MAF: variants seen among roughly 807,000 people sequenced by gnomAD.
MAF encodes the protein MAF bZIP transcription factor.
A neutral mutation model predicts 22.0 loss-of-function variants in MAF; 10 were observed. The ratio of observed to expected loss-of-function variants is 0.45; its 90% confidence interval spans 0.28 to 0.77. The LOEUF (loss-of-function observed/expected upper bound fraction) is 0.77. Among genes scored for constraint, MAF ranks in the 30% least tolerant of loss-of-function variants. MAF has a pLI of 0.12. For synonymous variants in MAF, 337 were observed against 255.8 expected (o/e 1.32, Z -3.03); for missense variants, 544 against 548.4 (o/e 0.99, Z 0.08).
chr16:79,542,371 G>A, the MAF span, among the ~76,000 whole-genome samples: 2 of 152,184 alleles, frequency 1.3e-5, no homozygotes, highest in African/African-American at 2.4e-5. Context: ...ACCATGCCAC[G>A]TGGTGAGTAA....
chr16:79,486,728 G>C, the MAF span, among the ~76,000 whole-genome samples: 47 of 152,290 alleles, frequency 3.1e-4, no homozygotes, highest in African/African-American at 1.0e-3. Context: ...AAATTCATTT[G>C]ACCACTAGCT....
the MAF span, among the ~76,000 whole-genome samples, chr16:79,213,705 T>TGTAA: frequency 2.4e-4 from 36 of 151,740 alleles, no homozygotes; most frequent in African/African-American, 8.0e-4. Context: ...TAGTTAGACA[T>TGTAA]GTAAGTGAGG....
At chr16:79,476,217 G>T in the MAF span, among the ~76,000 whole-genome samples, 1 of 152,184 alleles carries the variant, frequency 6.6e-6, no homozygotes, top group African/African-American at 2.4e-5. Flanking sequence ...AGCCAGAGAT[G>T]AGACCCTCTT....
At chr16:79,256,636 A>G in the MAF span, among the ~76,000 whole-genome samples, 1 of 152,182 alleles carries the variant, frequency 6.6e-6, no homozygotes, top group Non-Finnish European at 1.5e-5. Context: ...TCTTTGGACT[A>G]GCAAAGCCAG....
At chr16:79,497,782 G>C in the MAF span, among the ~76,000 whole-genome samples, 4 of 152,354 alleles carry the variant, frequency 2.6e-5, no homozygotes, top group South Asian at 8.3e-4. Flanking sequence ...AAGGAGAAAA[G>C]AGGAAGCCTC....
the MAF span, among the ~76,000 whole-genome samples, chr16:79,419,519 G>C: frequency 0.34 from 52,261 of 152,088 alleles, 10,992 homozygotes; most frequent in East Asian, 0.76. Context: ...CCTGTTTCAG[G>C]CTTCCAGGCT....
chr16:79,335,131 T>G, the MAF span, among the ~76,000 whole-genome samples: 2 of 142,314 alleles, frequency 1.4e-5, no homozygotes, highest in African/African-American at 2.6e-5. Context: ...GTTGCAGTAA[T>G]CCAAGATCGC....
downstream of MAF, among the ~76,000 whole-genome samples, chr16:79,593,385 C>T (rs30408): frequency 0.25 from 38,194 of 151,948 alleles, 5,038 homozygotes; most frequent in South Asian, 0.29. Context: ...TGACCATGAT[C>T]TGTCTTCTGT....
At chr16:79,545,609 C>G in the MAF span, among the ~76,000 whole-genome samples, 1 of 142,842 alleles carries the variant, frequency 7.0e-6, no homozygotes, top group Non-Finnish European at 1.5e-5. Context: ...GCAACCCCCA[C>G]CCCCCCACAG....
chr16:79,252,230 C>T, the MAF span, among the ~76,000 whole-genome samples: 52 of 151,992 alleles, frequency 3.4e-4, no homozygotes, highest in African/African-American at 1.1e-3. Context: ...CCTCCCAACA[C>T]GAAAGCAGCC....
chr16:79,227,851 G>C, the MAF span, among the ~76,000 whole-genome samples: 13 of 152,104 alleles, frequency 8.5e-5, no homozygotes, highest in African/African-American at 3.1e-4. Context: ...GTTGAGTGGA[G>C]AGAAATCCTG....
the MAF span, among the ~76,000 whole-genome samples, chr16:79,370,256 T>C: frequency 2.6e-4 from 40 of 152,338 alleles, no homozygotes; most frequent in Non-Finnish European, 4.6e-4. Context: ...TTTTGAGTTA[T>C]TCTTTGGGTT....
the MAF span, among the ~76,000 whole-genome samples, chr16:79,301,362 T>G: frequency 6.6e-6 from 1 of 152,066 alleles, no homozygotes; most frequent in African/African-American, 2.4e-5. Flanking sequence ...TGTGCCTCCA[T>G]GCATGAACCG....
At chr16:79,235,633 G>A in the MAF span, among the ~76,000 whole-genome samples, 62 of 152,062 alleles carry the variant, frequency 4.1e-4, 2 homozygotes, top group Middle Eastern at 6.8e-3. Context: ...CTTCTCATAT[G>A]GGCAACTCTA....
the MAF span, among the ~76,000 whole-genome samples, chr16:79,490,615 G>GAC: frequency 1.5e-5 from 1 of 64,816 alleles, no homozygotes; most frequent in Non-Finnish European, 4.4e-5. Flanking sequence ...CACATACACA[G>GAC]ACACACACAC....
At chr16:79,227,868 G>A in the MAF span, among the ~76,000 whole-genome samples, 3 of 152,094 alleles carry the variant, frequency 2.0e-5, no homozygotes, top group Non-Finnish European at 4.4e-5. Flanking sequence ...CCTGGGTGTA[G>A]ACCACAACTT....
chr16:79,423,406 G>A, the MAF span, among the ~76,000 whole-genome samples: 2 of 152,148 alleles, frequency 1.3e-5, no homozygotes, highest in African/African-American at 2.4e-5. Flanking sequence ...TATAAGGGCC[G>A]TGGAGGCTAT....
the MAF span, among the ~76,000 whole-genome samples, chr16:79,224,950 T>C: frequency 6.6e-6 from 1 of 152,184 alleles, no homozygotes; most frequent in African/African-American, 2.4e-5. Flanking sequence ...AAGCAATTTA[T>C]AGATTCAGTG....
the MAF span, among the ~76,000 whole-genome samples, chr16:79,238,393 G>T: frequency 6.6e-6 from 1 of 152,090 alleles, no homozygotes; most frequent in Non-Finnish European, 1.5e-5. Context: ...GCACTGTAGA[G>T]CATACGTCTT....
Sources: allele counts gnomAD v4.1 joint callset (sites outside exome capture counted in the v4.1 genomes callset), GRCh38; gene constraint gnomAD v4.1.1; transcripts MANE v1.5; gene names NCBI Gene and HGNC (gene_info 2026-07-23, HGNC 2026-07-21).